ZNF892: variants seen among roughly 807,000 people sequenced by gnomAD.
ZNF892 encodes the protein zinc finger protein 892, also known as zinc finger protein 570-like.
the ZNF892 span, among the ~76,000 whole-genome samples, chr2:95,253,369 G>T: frequency 1.3e-5 from 2 of 152,146 alleles, no homozygotes; most frequent in African/African-American, 2.4e-5. Context: ...GTTTCTGTCA[G>T]GTTTGTCAAA....
the ZNF892 span, among the ~76,000 whole-genome samples, chr2:95,253,176 T>A: frequency 6.6e-6 from 1 of 152,256 alleles, no homozygotes; most frequent in African/African-American, 2.4e-5. Flanking sequence ...ATGTCCTGAA[T>A]GGTATTGCCT....
At chr2:95,218,880 T>C in the ZNF892 span, among the ~76,000 whole-genome samples, 1 of 152,194 alleles carries the variant, frequency 6.6e-6, no homozygotes, top group Non-Finnish European at 1.5e-5. Flanking sequence ...TTAACCTTAA[T>C]TACTTCCTCA....
chr2:95,228,816 T>C, the ZNF892 span, among the ~76,000 whole-genome samples: 1 of 152,098 alleles, frequency 6.6e-6, no homozygotes, highest in Admixed American at 6.5e-5. Context: ...GCCCCCAAAA[T>C]CATTAAGGAA....
the ZNF892 span, chr2:95,259,027 T>C: frequency 6.6e-6 from 1 of 152,166 alleles, no homozygotes. Flanking sequence ...TAACTGGATA[T>C]GTGGCGAGGT....
chr2:95,253,659 A>G, the ZNF892 span, among the ~76,000 whole-genome samples: 2 of 152,194 alleles, frequency 1.3e-5, no homozygotes, highest in African/African-American at 4.8e-5. Flanking sequence ...CATTGAATCT[A>G]TAAATTACCT....
At chr2:95,208,640 A>G in the ZNF892 span, 3 of 398,436 alleles carry the variant, frequency 7.5e-6, no homozygotes, top group Non-Finnish European at 1.3e-5. Context: ...TCCTGTCTCC[A>G]CTTTTAGGAT....
the ZNF892 span, chr2:95,208,859 T>A: frequency 5.1e-6 from 2 of 395,840 alleles, no homozygotes; most frequent in African/African-American, 4.1e-5. Context: ...GATAAACTGA[T>A]GACTGATGAC....
chr2:95,237,427 G>A, the ZNF892 span, among the ~76,000 whole-genome samples: 1 of 152,050 alleles, frequency 6.6e-6, no homozygotes, highest in Non-Finnish European at 1.5e-5. Flanking sequence ...ACCATGAACC[G>A]CCATTAAGAT....
At chr2:95,260,522 A>G in the ZNF892 span, among the ~76,000 whole-genome samples, 2 of 152,014 alleles carry the variant, frequency 1.3e-5, no homozygotes, top group Admixed American at 1.3e-4. Flanking sequence ...TCCCTCACCA[A>G]AGTGCATTCC....
chr2:95,260,943 G>A, the ZNF892 span, among the ~76,000 whole-genome samples: 1 of 152,210 alleles, frequency 6.6e-6, no homozygotes, highest in Admixed American at 6.5e-5. Flanking sequence ...GGTGAGGGCG[G>A]CCTGCAGCCC....
chr2:95,243,306 T>C, the ZNF892 span, among the ~76,000 whole-genome samples: 1 of 143,148 alleles, frequency 7.0e-6, no homozygotes, highest in Admixed American at 7.0e-5. Context: ...TCTGCCTGGC[T>C]GCCCATCGTC....
the ZNF892 span, among the ~76,000 whole-genome samples, chr2:95,221,676 T>TA: frequency 1.3e-5 from 2 of 152,206 alleles, no homozygotes; most frequent in African/African-American, 4.8e-5. Flanking sequence ...TATTTGAACT[T>TA]AGTCCCTTTT....
At chr2:95,206,364 G>A in the ZNF892 span, among the ~76,000 whole-genome samples, 2 of 152,150 alleles carry the variant, frequency 1.3e-5, no homozygotes, top group African/African-American at 4.8e-5. Context: ...CACGAATTAA[G>A]AGTCCTTTAT....
At chr2:95,208,045 A>G in the ZNF892 span, among the ~76,000 whole-genome samples, 2 of 152,150 alleles carry the variant, frequency 1.3e-5, no homozygotes, top group African/African-American at 4.8e-5. Context: ...TCAAGGGAAA[A>G]TATCAACACA....
chr2:95,217,669 A>G, the ZNF892 span, among the ~76,000 whole-genome samples: 2 of 152,238 alleles, frequency 1.3e-5, no homozygotes, highest in Non-Finnish European at 1.5e-5. Flanking sequence ...GAGCAAGTCT[A>G]AAACTTAGCA....
chr2:95,215,410 C>A, the ZNF892 span: 1 of 440,438 alleles, frequency 2.3e-6, no homozygotes, highest in Non-Finnish European at 4.1e-6. Context: ...CAGAGCTCAT[C>A]TCTTACAAAG....
the ZNF892 span, among the ~76,000 whole-genome samples, chr2:95,257,518 C>T: frequency 5.3e-5 from 8 of 152,262 alleles, no homozygotes; most frequent in East Asian, 1.9e-4. Flanking sequence ...TCGGGGGTCA[C>T]GGACCCACTT....
the ZNF892 span, among the ~76,000 whole-genome samples, chr2:95,221,099 T>G: frequency 6.6e-6 from 1 of 152,204 alleles, no homozygotes; most frequent in Non-Finnish European, 1.5e-5. Context: ...CTCATAGATA[T>G]ATGTTTTAAA....
the ZNF892 span, among the ~76,000 whole-genome samples, chr2:95,232,306 T>C: frequency 3.3e-5 from 5 of 152,218 alleles, no homozygotes; most frequent in African/African-American, 1.2e-4. Context: ...ATACATGATA[T>C]CATTTCTGGT....
Sources: gnomAD v4.1 joint callset for allele counts (sites outside exome capture counted in the v4.1 genomes callset) on GRCh38, gnomAD v4.1.1 for gene constraint, MANE v1.5 for transcripts, NCBI Gene and HGNC (gene_info 2026-07-23, HGNC 2026-07-21) for gene names.